KCNN3: variants seen among roughly 807,000 people sequenced by gnomAD.
KCNN3 encodes potassium calcium-activated channel subfamily N member 3.
A neutral mutation model predicts 62.9 loss-of-function variants in KCNN3; 16 were observed. The observed-to-expected ratio is 0.25, with a 90% CI of 0.17 to 0.39. The LOEUF (loss-of-function observed/expected upper bound fraction) is 0.39. KCNN3 is among the 10% of genes least tolerant of loss of function. The pLI, the probability that KCNN3 is intolerant of heterozygous loss-of-function variation, is 1.00. For synonymous variants in KCNN3, 370 were observed against 389.2 expected (o/e 0.95, Z 0.58); for missense variants, 599 against 949.4 (o/e 0.63, Z 4.85).
intron 5 of KCNN3, 23 bp from the exon 6 acceptor site, chr1:154,715,026 G>A (rs1700202503): frequency 1.2e-6 from 2 of 1,613,022 alleles, no homozygotes; most frequent in African/African-American, 2.7e-5. Flanking sequence ...AAATAAAGTA[G>A]GCTGCTATCA....
intron 7 of KCNN3, among the ~76,000 whole-genome samples, chr1:154,709,286 C>T (rs1407326401): frequency 2.6e-5 from 4 of 152,200 alleles, no homozygotes; most frequent in Non-Finnish European, 4.4e-5. Flanking sequence ...CAAGCATCTT[C>T]AGCCTCCCAC....
Position 154,728,005 on chromosome 1 carries a change from C to T in KCNN3, c.1591-1979G>A, listed in dbSNP as rs889874955. 3.9e-4 allele frequency among the ~76,000 whole-genome samples: 60 copies of T among 152,234 alleles called. 1 individual carries two copies. The highest frequency in any genetic ancestry group is 1.4e-3 in the African/African-American group (58 of 41,458). ...CTCCTCTCGCTAGGCCCAGGCAAAA[C>T]TCTACTTAAATCATCCCTGAAAGCT... On this transcript the variant is annotated intron_variant, in intron 4 of 7. Transcript: ENST00000271915.
At chr1:154,839,426 A>G (rs1651734455) in intron 1 of KCNN3, among the ~76,000 whole-genome samples, 1 of 152,224 alleles carries the variant, frequency 6.6e-6, no homozygotes, top group Non-Finnish European at 1.5e-5. Context: ...TACAAAATAC[A>G]AACAAGATAC....
chr1:154,868,454 G>A, intron 1 of KCNN3: 1 of 601,214 alleles, frequency 1.7e-6, no homozygotes, highest in South Asian at 7.0e-5. Flanking sequence ...AACTTGGGAA[G>A]AGATGGAGAA....
intron 1 of KCNN3, among the ~76,000 whole-genome samples, chr1:154,836,311 C>A (rs552897656): frequency 2.6e-5 from 4 of 152,308 alleles, no homozygotes; most frequent in African/African-American, 7.2e-5. Flanking sequence ...CAGAGGAACA[C>A]CCCACCTGAT....
intron 2 of KCNN3, among the ~76,000 whole-genome samples, chr1:154,806,824 T>C (rs900402390): frequency 4.6e-5 from 7 of 152,184 alleles, no homozygotes; most frequent in Admixed American, 3.9e-4. Flanking sequence ...TTCTGTATAA[T>C]GTTCATAAGG....
intron 5 of KCNN3, among the ~76,000 whole-genome samples, chr1:154,723,918 T>C (rs1700408355): frequency 6.6e-6 from 1 of 152,208 alleles, no homozygotes; most frequent in South Asian, 2.1e-4. Flanking sequence ...TAGAGGGGGC[T>C]GAAAGAGAGT....
At chr1:154,785,726 C>T (rs958806083) in intron 2 of KCNN3, among the ~76,000 whole-genome samples, 1 of 151,466 alleles carries the variant, frequency 6.6e-6, no homozygotes, top group Admixed American at 6.6e-5. Flanking sequence ...GGGATTAGTA[C>T]CCAGCTACCA....
intron 6 of KCNN3, among the ~76,000 whole-genome samples, chr1:154,713,868 T>TTTC (rs1234754672): frequency 6.6e-6 from 1 of 151,692 alleles, no homozygotes; most frequent in Non-Finnish European, 1.5e-5. Flanking sequence ...GAATGAATGT[T>TTTC]TTCATCCTTT....
intron 1 of KCNN3, chr1:154,859,862 G>A: frequency 6.4e-7 from 1 of 1,571,966 alleles, no homozygotes; most frequent in Non-Finnish European, 8.6e-7. Context: ...ACACTGAGCA[G>A]CACTCCTGTC....
intron 1 of KCNN3, among the ~76,000 whole-genome samples, chr1:154,850,603 T>C (rs1652263260): frequency 1.3e-5 from 2 of 152,206 alleles, no homozygotes. Context: ...TTGGTGCACA[T>C]GAGGCTGGTG....
intron 1 of KCNN3, among the ~76,000 whole-genome samples, chr1:154,856,605 G>A (rs1652542919): frequency 6.6e-6 from 1 of 152,132 alleles, no homozygotes; most frequent in African/African-American, 2.4e-5. Context: ...AACTCAGCTG[G>A]CCTTCACAGA....
At chr1:154,725,208 A>AT (rs1445736908) in intron 5 of KCNN3, among the ~76,000 whole-genome samples, 2 of 152,116 alleles carry the variant, frequency 1.3e-5, no homozygotes, top group Non-Finnish European at 2.9e-5. Flanking sequence ...GTACATTTTC[A>AT]ATATACTTTT....
intron 5 of KCNN3, among the ~76,000 whole-genome samples, chr1:154,720,236 G>A (rs1411799038): frequency 6.6e-6 from 1 of 152,168 alleles, no homozygotes; most frequent in Non-Finnish European, 1.5e-5. Flanking sequence ...GGGTTGGAGT[G>A]GCTCTTCCCT....
rs567899891 is a variant in KCNN3, at chr1:154,795,899, G to T, written c.1030-23506C>A. ...GGCACAGATGTGGCCGCAGAGCAGG[G>T]CAGGGCCAATTCTGGAGGGCTCTAT... On this transcript the variant is annotated intron_variant, in intron 2 of 7. Transcript: ENST00000271915. Among the ~76,000 whole-genome samples the T allele has an allele frequency of 2.0e-5, 3 of 152,350 alleles. No individual in the cohort carries two copies. The South Asian group carries it at 6.2e-4, about 32-fold the overall frequency.
intron 1 of KCNN3, among the ~76,000 whole-genome samples, chr1:154,829,720 C>G (rs1159779156): frequency 2.0e-5 from 3 of 152,194 alleles, no homozygotes; most frequent in Non-Finnish European, 4.4e-5. Context: ...CTCCTCAGCC[C>G]CCATCCCTGA....
At chr1:154,800,944 C>T (rs1370024606) in intron 2 of KCNN3, among the ~76,000 whole-genome samples, 1 of 152,182 alleles carries the variant, frequency 6.6e-6, no homozygotes, top group Non-Finnish European at 1.5e-5. Flanking sequence ...GCTTGGGAAG[C>T]TGAAGTCGGA....
At chr1:154,816,242 C>T (rs183908774) in intron 2 of KCNN3, among the ~76,000 whole-genome samples, 104 of 152,302 alleles carry the variant, frequency 6.8e-4, no homozygotes, top group African/African-American at 2.0e-3. Flanking sequence ...CTGAGACCAA[C>T]GCTAGATCTT....
At chr1:154,853,360 A>T (rs1282733846) in intron 1 of KCNN3, among the ~76,000 whole-genome samples, 2 of 152,028 alleles carry the variant, frequency 1.3e-5, no homozygotes, top group Non-Finnish European at 2.9e-5. Flanking sequence ...GTTTGAGACC[A>T]GGTCTCACTC....
Sources: allele counts gnomAD v4.1 joint callset (sites outside exome capture counted in the v4.1 genomes callset), GRCh38; gene constraint gnomAD v4.1.1; transcripts MANE v1.5; gene names NCBI Gene and HGNC (gene_info 2026-07-23, HGNC 2026-07-21).